The following DCDC2 variants were observed in gnomAD, a reference collection of about 807,000 sequenced individuals.
The protein encoded by DCDC2 is doublecortin domain-containing protein 2.
Under a neutral mutation model 50.2 loss-of-function variants are expected in DCDC2, and 40 were observed. The ratio of observed to expected loss-of-function variants is 0.80; its 90% CI spans 0.62 to 1.04. The LOEUF (loss-of-function observed/expected upper bound fraction) is 1.04. DCDC2 is among the 50% of genes least tolerant of loss of function. DCDC2 has a pLI of 0.00. For synonymous variants in DCDC2, 234 were observed against 210.6 expected, an observed-to-expected ratio of 1.11 and a Z score of -0.96; for missense variants, 570 against 581.9, an observed-to-expected ratio of 0.98 and a Z score of 0.21.
chr6:24,291,041 C>T lies in DCDC2; in HGVS notation c.595G>A (p.Ala199Thr), dbSNP rs1219067435. ...TLEGKLVESGAELENGQFYVA... is the reference protein window; with the variant it reads ...TLEGKLVESGTELENGQFYVA... ...TAAAACTGCCCATTCTCCAACTCTG[C>T]TCCACTCTCAACAAGTTTTCCTTCT... Residue 199 changes from alanine to threonine, a missense_variant, in exon 5 of 10, where the codon GCA becomes ACA. Transcript: ENST00000378454. 2.5e-6 allele frequency: 4 copies of T among 1,613,890 alleles called. No individual in the cohort carries two copies. The South Asian group carries it at 3.3e-5, about 13-fold the overall frequency.
the DCDC2 span, among the ~76,000 whole-genome samples, chr6:24,375,055 T>G: frequency 1.8e-3 from 279 of 152,280 alleles, no homozygotes; most frequent in African/African-American, 6.4e-3. Flanking sequence ...AAATACCCTG[T>G]GGTGAAAAGA....
chr6:24,349,886 C>A (rs1760333846), intron 2 of DCDC2, among the ~76,000 whole-genome samples: 1 of 152,086 alleles, frequency 6.6e-6, no homozygotes, highest in African/African-American at 2.4e-5. Flanking sequence ...CAGGGATAGG[C>A]TGCTCTGAGC....
chr6:24,199,408 G>T (rs985685331), intron 8 of DCDC2, among the ~76,000 whole-genome samples: 21 of 152,214 alleles, frequency 1.4e-4, no homozygotes, highest in African/African-American at 5.1e-4. Context: ...CAGCAGACCT[G>T]CAGCAGAGGG....
intron 2 of DCDC2, among the ~76,000 whole-genome samples, chr6:24,305,007 T>C (rs1759446236): frequency 6.6e-6 from 1 of 152,240 alleles, no homozygotes; most frequent in South Asian, 2.1e-4. Context: ...ATACCCATTC[T>C]TGATGGTTTA....
At position 24,173,567 on chromosome 6, in the gene DCDC2, C is replaced by T. The variant is rs529308252; in HGVS notation, c.*1163G>A. 5 of 152,248 alleles carry T rather than the reference C, an allele frequency of 3.3e-5. No homozygotes were observed. The highest frequency in any genetic ancestry group is 1.2e-4 in the African/African-American group (5 of 41,568). 9.4% of individuals were successfully genotyped at this position (152,248 alleles called of 1,614,324 possible). ...TTTTCCCCATACATACCTCACAAGG[C>T]AACTATAAATCAATTTAGTCAGTCC... On this transcript the variant is annotated 3_prime_UTR_variant, in exon 10 of 10. Coordinates refer to ENST00000378454, the MANE Select transcript of DCDC2 (RefSeq NM_016356.5).
intron 2 of DCDC2, among the ~76,000 whole-genome samples, chr6:24,308,137 C>T (rs1759507741): frequency 6.6e-6 from 1 of 152,174 alleles, no homozygotes. Flanking sequence ...GGAAGTGTAA[C>T]AAAAGCCAAG....
intron 7 of DCDC2, among the ~76,000 whole-genome samples, chr6:24,207,745 G>A (rs1425165055): frequency 6.6e-6 from 1 of 152,108 alleles, no homozygotes; most frequent in Admixed American, 6.5e-5. Context: ...TTTATTAGAT[G>A]TAAGACAAAA....
At chr6:24,210,974 T>C (rs1258971019) in intron 7 of DCDC2, among the ~76,000 whole-genome samples, 1 of 152,224 alleles carries the variant, frequency 6.6e-6, no homozygotes, top group Non-Finnish European at 1.5e-5. Flanking sequence ...TAAAAAGTTC[T>C]TTCCCCATTT....
At chr6:24,338,549 C>T (rs1196027180) in intron 2 of DCDC2, among the ~76,000 whole-genome samples, 1 of 152,212 alleles carries the variant, frequency 6.6e-6, no homozygotes, top group Non-Finnish European at 1.5e-5. Flanking sequence ...GCACATTTAC[C>T]TCCAACACAT....
chr6:24,297,422 C>T (rs1759275936), intron 4 of DCDC2, among the ~76,000 whole-genome samples: 1 of 152,096 alleles, frequency 6.6e-6, no homozygotes, highest in Admixed American at 6.5e-5. Context: ...CACAAGTTTA[C>T]CTATGCAACT....
chr6:24,203,359 A>G (rs1761630265), intron 8 of DCDC2, among the ~76,000 whole-genome samples: 1 of 152,194 alleles, frequency 6.6e-6, no homozygotes, highest in Non-Finnish European at 1.5e-5. Context: ...GATCTTTGAC[A>G]AACCTGACAA....
chr6:24,183,223 G>A (rs369626500), intron 8 of DCDC2, among the ~76,000 whole-genome samples: 11 of 152,116 alleles, frequency 7.2e-5, no homozygotes, highest in African/African-American at 2.7e-4. Context: ...GGTGGTGGTG[G>A]TTACACAACA....
At chr6:24,231,455 C>G (rs1365439742) in intron 7 of DCDC2, among the ~76,000 whole-genome samples, 1 of 152,152 alleles carries the variant, frequency 6.6e-6, no homozygotes, top group African/African-American at 2.4e-5. Flanking sequence ...ACTGCACTTT[C>G]TACATATAAC....
chr6:24,212,250 A>C (rs891089915), intron 7 of DCDC2, among the ~76,000 whole-genome samples: 7 of 152,164 alleles, frequency 4.6e-5, no homozygotes, highest in Non-Finnish European at 7.3e-5. Flanking sequence ...CCCTGGTGCA[A>C]TAAATGTTGG....
intron 7 of DCDC2, among the ~76,000 whole-genome samples, chr6:24,219,074 A>G (rs73394004): frequency 0.034 from 5,230 of 152,264 alleles, 269 homozygotes; most frequent in African/African-American, 0.11. Context: ...TTTTTAAAAT[A>G]TTTCCATTGT....
At chr6:24,187,421 C>CT (rs1327407344) in intron 8 of DCDC2, among the ~76,000 whole-genome samples, 1 of 152,148 alleles carries the variant, frequency 6.6e-6, no homozygotes, top group Non-Finnish European at 1.5e-5. Flanking sequence ...AGCCTTCCTG[C>CT]TCCCTCAGGT....
intron 8 of DCDC2, among the ~76,000 whole-genome samples, chr6:24,195,112 G>T (rs1761403785): frequency 6.6e-6 from 1 of 152,044 alleles, no homozygotes. Context: ...GGCTATCAAG[G>T]ACTATGGAAG....
Position 24,173,737 on chromosome 6 carries a change from T to C in DCDC2, c.*993A>G, listed in dbSNP as rs1168726957. 1.3e-5 allele frequency: 2 copies of C among 152,168 alleles called. No homozygotes were observed. Among genetic ancestry groups the C allele is most frequent in the Non-Finnish European group, 2.9e-5 (2 of 68,028 alleles). The allele number at this position is 152,168 out of a possible 1,614,324, so 9.4% of individuals were successfully genotyped here. A position where few individuals can be genotyped will look rare whatever the true frequency, so the allele number is the denominator to read the frequency against. On this transcript the variant is annotated 3_prime_UTR_variant, in exon 10 of 10. Coordinates refer to ENST00000378454, the MANE Select transcript of DCDC2 (RefSeq NM_016356.5). ...AAAAATAAATATTTGCTGATATCCC[T>C]AGGGCAAAAACATAGTAAAACAGTC...
chr6:24,359,417 TATTATATATATTTATATATACTATATAG>T (rs1239800697), upstream of DCDC2, among the ~76,000 whole-genome samples: 1 of 68,112 alleles, frequency 1.5e-5, no homozygotes, highest in Admixed American at 3.0e-4. Flanking sequence ...ATATATTATA[TATTATATATATTTATATATACTATATAG>T]TATATATATT....
Sources: gnomAD v4.1 joint callset for allele counts (sites outside exome capture counted in the v4.1 genomes callset) on GRCh38, gnomAD v4.1.1 for gene constraint, MANE v1.5 for transcripts, NCBI Gene and HGNC (gene_info 2026-07-23, HGNC 2026-07-21) for gene names.